FOXP4: variants seen among roughly 807,000 people sequenced by gnomAD.
The protein encoded by FOXP4 is forkhead box protein P4.
A neutral mutation model predicts 82.6 loss-of-function variants in FOXP4; 25 were observed. That is an observed-to-expected ratio of 0.30 (90% CI 0.22 to 0.42). The LOEUF (loss-of-function observed/expected upper bound fraction) is 0.42. Ranked by LOEUF, FOXP4 falls within the 10% of genes least tolerant of loss-of-function variation. The probability of loss-of-function intolerance (pLI) is 1.00; values close to 1 mark genes in which losing one functional copy is unlikely to be tolerated. For missense variants in FOXP4, 785 were observed against 900.9 expected (o/e 0.87, Z 1.65); for synonymous variants, 415 against 388.2 (o/e 1.07, Z -0.81).
At chr6:41,578,233 T>A in intron 3 of FOXP4, 152 bp downstream of exon 3, 1 of 645,128 alleles carries the variant, frequency 1.6e-6, no homozygotes, top group Non-Finnish European at 2.6e-6. Context: ...ACTGCAGGGG[T>A]GGGGCAAAAA....
At chr6:41,596,857 G>T (rs568772531) in intron 14 of FOXP4, among the ~76,000 whole-genome samples, 1 of 152,166 alleles carries the variant, frequency 6.6e-6, no homozygotes, top group South Asian at 2.1e-4. Flanking sequence ...AAAACGGGTG[G>T]GGGGGCAGCA....
intron 2 of FOXP4, among the ~76,000 whole-genome samples, chr6:41,576,522 A>T (rs1031253357): frequency 2.0e-5 from 3 of 152,108 alleles, no homozygotes; most frequent in African/African-American, 7.2e-5. Context: ...AGAAAAAACA[A>T]GTGTATGTGT....
chr6:41,580,323 G>A (rs968114817), intron 3 of FOXP4, among the ~76,000 whole-genome samples: 3 of 152,200 alleles, frequency 2.0e-5, no homozygotes, highest in African/African-American at 4.8e-5. Flanking sequence ...TGATCTGCGC[G>A]CCTCTGCCTC....
At chr6:41,577,509 A>G (rs946619823) in intron 2 of FOXP4, among the ~76,000 whole-genome samples, 1 of 152,166 alleles carries the variant, frequency 6.6e-6, no homozygotes, top group Non-Finnish European at 1.5e-5. Flanking sequence ...GATCCTGGGT[A>G]AGTTACTTAA....
At chr6:41,572,894 C>A (rs1376742353) in intron 2 of FOXP4, among the ~76,000 whole-genome samples, 1 of 152,188 alleles carries the variant, frequency 6.6e-6, no homozygotes, top group Non-Finnish European at 1.5e-5. Context: ...CATTGCCCAT[C>A]TCTGGATCTC....
At chr6:41,550,206 G>C (rs545392042) in intron 1 of FOXP4, among the ~76,000 whole-genome samples, 1 of 152,306 alleles carries the variant, frequency 6.6e-6, no homozygotes, top group Non-Finnish European at 1.5e-5. Context: ...CTTGGCATTA[G>C]AGATGGGACT....
chr6:41,561,354 C>T (rs1764569198), intron 1 of FOXP4, among the ~76,000 whole-genome samples: 1 of 152,126 alleles, frequency 6.6e-6, no homozygotes, highest in South Asian at 2.1e-4. Flanking sequence ...GTAGGAGAGG[C>T]ATATGGAAAG....
chr6:41,591,193 G>C lies in FOXP4; in HGVS notation c.1435-28G>C. 8 of 1,580,274 alleles carry C rather than the reference G, an allele frequency of 5.1e-6. No homozygotes were observed. Among genetic ancestry groups the C allele is most frequent in the Non-Finnish European group, 6.0e-6 (7 of 1,158,818 alleles). On this transcript the variant is annotated intron_variant, in intron 12 of 16. Coordinates refer to ENST00000307972, the MANE Select transcript of FOXP4 (RefSeq NM_001012426.2). This position sits in a 1 kb window ranked among gnomAD's most constrained non-coding sequence, Gnocchi z 4.2. Reference sequence around the variant, plus strand: ...GTGACCCTTCGAGGCCCAGGCTGACGGTCCCTTTGCTTGTTCCTTCCCCGC... The same window carrying C: ...GTGACCCTTCGAGGCCCAGGCTGACCGTCCCTTTGCTTGTTCCTTCCCCGC...
rs771910838 is a variant in FOXP4, at chr6:41,584,766, C to T, written c.301-3C>T. 1.9e-6 allele frequency: 3 copies of T among 1,584,804 alleles called. No homozygotes were observed. The highest frequency in any genetic ancestry group is 1.7e-6 in the Non-Finnish European group (2 of 1,165,562). ...GACAGGGCTAACGGGCCGAATCCTG[C>T]AGGTGCCTGTGTCGGTGGCCATGAT... On this transcript the variant is annotated splice_polypyrimidine_tract_variant and splice_region_variant and intron_variant, in intron 3 of 16. Coordinates refer to ENST00000307972, the MANE Select transcript of FOXP4 (RefSeq NM_001012426.2).
chr6:41,591,324 T>C lies in FOXP4; in HGVS notation c.1536+2T>C. The C allele has an allele frequency of 6.3e-7, 1 of 1,591,942 alleles. No individual in the cohort carries two copies. The highest frequency in any genetic ancestry group is 8.6e-7 in the Non-Finnish European group (1 of 1,167,962). On this transcript the variant is annotated splice_donor_variant, in intron 13 of 16. Coordinates refer to ENST00000307972, the MANE Select transcript of FOXP4 (RefSeq NM_001012426.2). LOFTEE classifies it high-confidence loss of function. The surrounding 1 kb of genome is among the most constrained non-coding windows in gnomAD (Gnocchi z 4.2). Reference sequence around the variant, plus strand: ...CGCAGAAACACTGCCACCTGGAAGGTGAAGCAGGCCCCTTCCACCTTCTGG... The same window carrying C: ...CGCAGAAACACTGCCACCTGGAAGGCGAAGCAGGCCCCTTCCACCTTCTGG...
At chr6:41,561,337 A>T (rs1327294418) in intron 1 of FOXP4, among the ~76,000 whole-genome samples, 1 of 152,072 alleles carries the variant, frequency 6.6e-6, no homozygotes, top group Non-Finnish European at 1.5e-5. Context: ...TTTGCCCCCA[A>T]CATGTGGTAG....
chr6:41,597,321 C>T (rs1465290749), intron 15 of FOXP4, 79 bp downstream of exon 15: 1 of 1,437,476 alleles, frequency 7.0e-7, no homozygotes, highest in Non-Finnish European at 9.8e-7. Context: ...CCATCCTCCC[C>T]TGCAGAGGAC....
chr6:41,587,312 A>G lies in FOXP4; in HGVS notation c.672A>G (p.Pro224=), dbSNP rs1561797865. Residue 224 remains proline (P), a synonymous_variant, in exon 7 of 17, where the codon CCA becomes CCG. Coordinates refer to ENST00000307972, the MANE Select transcript of FOXP4 (RefSeq NM_001012426.2). ...LQTLPQAAVC[P]TDLPQLWKGE... is the part of the protein sequence containing the mutation. ...TCTCTCCCACAGCAGCTGTTTGCCC[A>G]ACAGACCTGCCCCAGCTGTGGAAGG... The G allele has an allele frequency of 6.2e-7, 1 of 1,613,048 alleles. No homozygotes were observed. The highest frequency in any genetic ancestry group is 8.5e-7 in the Non-Finnish European group (1 of 1,179,786).
intron 2 of FOXP4, among the ~76,000 whole-genome samples, chr6:41,573,316 G>C (rs1278131875): frequency 2.0e-5 from 3 of 151,958 alleles, no homozygotes; most frequent in Non-Finnish European, 4.4e-5. Context: ...GGGAGAGAGA[G>C]ACCCCATAGC....
intron 1 of FOXP4, chr6:41,548,769 C>T (rs1412543518): frequency 6.6e-6 from 1 of 152,144 alleles, no homozygotes; most frequent in Non-Finnish European, 1.5e-5. Context: ...GAGCCACGGC[C>T]TCAGAAAACC....
At chr6:41,549,391 A>G (rs1379409142) in intron 1 of FOXP4, among the ~76,000 whole-genome samples, 1 of 152,096 alleles carries the variant, frequency 6.6e-6, no homozygotes, top group Non-Finnish European at 1.5e-5. Flanking sequence ...CTTTCTGTGT[A>G]GGGATCTTCC....
At chr6:41,580,964 G>GGAAGGA (rs1765764682) in intron 3 of FOXP4, among the ~76,000 whole-genome samples, 1 of 152,192 alleles carries the variant, frequency 6.6e-6, no homozygotes, top group Admixed American at 6.5e-5. Flanking sequence ...GCCTAGTGAG[G>GGAAGGA]GGCCCTCCTT....
chr6:41,591,203 C>T lies in FOXP4; in HGVS notation c.1435-18C>T, dbSNP rs746864886. ...GAGGCCCAGGCTGACGGTCCCTTTG[C>T]TTGTTCCTTCCCCGCAGGCCATCCT... On this transcript the variant is annotated intron_variant, in intron 12 of 16. Transcript: ENST00000307972. This position sits in a 1 kb window ranked among gnomAD's most constrained non-coding sequence, Gnocchi z 4.2. 17 of 1,595,790 alleles carry T rather than the reference C, an allele frequency of 1.1e-5. No homozygotes were observed. In the South Asian group the frequency reaches 1.7e-4, roughly 16 times the overall value.
chr6:41,589,915 A>T lies in FOXP4; in HGVS notation c.1150-48A>T, dbSNP rs937708051. ...CTTCCACAGACCCTGGAGCCTCGGG[A>T]CCCCCACCCTCGGGCACTGGTCTCA... is the stretch of plus-strand genomic sequence containing the variant. On this transcript the variant is annotated intron_variant, in intron 10 of 16. Coordinates refer to ENST00000307972, the MANE Select transcript of FOXP4 (RefSeq NM_001012426.2). 2.5e-6 allele frequency: 4 copies of T among 1,571,674 alleles called. No homozygotes were observed. The African/African-American group carries it at 5.5e-5, about 21-fold the overall frequency.
Sources: gnomAD v4.1 joint callset for allele counts (sites outside exome capture counted in the v4.1 genomes callset) on GRCh38, gnomAD v4.1.1 for gene constraint, Gnocchi (gnomAD v3.1) non-coding constraint, MANE v1.5 for transcripts, NCBI Gene and HGNC (gene_info 2026-07-23, HGNC 2026-07-21) for gene names.